Variants in PTPRG observed in about 807,000 individuals in gnomAD.
PTPRG encodes protein tyrosine phosphatase receptor type G.
A neutral mutation model predicts 165.3 loss-of-function variants in PTPRG; 102 were observed. The ratio of observed to expected loss-of-function variants is 0.62; its 90% CI spans 0.53 to 0.73. PTPRG has a LOEUF of 0.73. PTPRG is among the 30% of genes least tolerant of loss of function. PTPRG has a pLI of 0.00. For missense variants in PTPRG, 1,866 were observed against 1,861.4 expected (o/e 1.00, Z -0.05); for synonymous variants, 675 against 669.5 (o/e 1.01, Z -0.13).
At chr3:61,790,274 C>T (rs1264602594) in intron 2 of PTPRG, among the ~76,000 whole-genome samples, 1 of 152,142 alleles carries the variant, frequency 6.6e-6, no homozygotes, top group Non-Finnish European at 1.5e-5. Flanking sequence ...GGTGGTGAAC[C>T]ATTCGAGTTG....
At chr3:62,071,126 AT>A (rs1701196864) in intron 4 of PTPRG, among the ~76,000 whole-genome samples, 1 of 152,084 alleles carries the variant, frequency 6.6e-6, no homozygotes, top group Non-Finnish European at 1.5e-5. Context: ...TTTAATAAAA[AT>A]CCCCAGCAGT....
Position 62,243,786 on chromosome 3 carries a change from GT to G in PTPRG, c.2376-16del, listed in dbSNP as rs1355013799. On this transcript the variant is annotated intron_variant, in intron 14 of 29. Coordinates refer to ENST00000474889, the MANE Select transcript of PTPRG (RefSeq NM_002841.4). ...ATAAAGTATATTCTATTATTGACATGTTTTTCTCTTTTCTACACAGAAAATG... is the reference window on the plus strand; with the variant it reads ...ATAAAGTATATTCTATTATTGACATGTTTTCTCTTTTCTACACAGAAAATG... The G allele has an allele frequency of 6.9e-7, 1 of 1,455,772 alleles. No individual in the cohort carries two copies. The allele number at this position is 1,455,772 out of a possible 1,614,324, so 90.2% of individuals were successfully genotyped here.
chr3:62,015,836 T>C (rs1351029592), intron 4 of PTPRG, among the ~76,000 whole-genome samples: 1 of 152,196 alleles, frequency 6.6e-6, no homozygotes, highest in East Asian at 1.9e-4. Flanking sequence ...GTGGAGGGGA[T>C]ATCATGTTGA....
chr3:61,586,267 A>G (rs1180592402), intron 1 of PTPRG, among the ~76,000 whole-genome samples: 2 of 151,990 alleles, frequency 1.3e-5, no homozygotes, highest in African/African-American at 4.8e-5. Flanking sequence ...AAAAAAAAAA[A>G]GGTGGTTGTC....
At chr3:61,777,662 G>A (rs888621527) in intron 2 of PTPRG, among the ~76,000 whole-genome samples, 3 of 152,126 alleles carry the variant, frequency 2.0e-5, no homozygotes, top group Admixed American at 6.5e-5. Context: ...AGCCAAAACC[G>A]TGGAAATCCG....
At chr3:62,167,786 G>C (rs899636235) in intron 7 of PTPRG, among the ~76,000 whole-genome samples, 185 bp from the exon 8 acceptor site, 1 of 152,192 alleles carries the variant, frequency 6.6e-6, no homozygotes, top group African/African-American at 2.4e-5. Flanking sequence ...AGATGAGCCT[G>C]TTGGCAGTGT....
At chr3:61,651,094 C>A (rs1559540594) in intron 1 of PTPRG, among the ~76,000 whole-genome samples, 2 of 149,660 alleles carry the variant, frequency 1.3e-5, no homozygotes, top group East Asian at 3.9e-4. Flanking sequence ...GAACCCTGTT[C>A]ATCAACCTCA....
intron 2 of PTPRG, among the ~76,000 whole-genome samples, chr3:61,759,705 C>G (rs1276167723): frequency 2.6e-5 from 4 of 151,840 alleles, no homozygotes; most frequent in Non-Finnish European, 5.9e-5. Flanking sequence ...GTGTAGTATT[C>G]ATTGGCATTT....
At chr3:61,674,934 C>A (rs1433744349) in intron 1 of PTPRG, among the ~76,000 whole-genome samples, 8 of 152,120 alleles carry the variant, frequency 5.3e-5, no homozygotes, top group African/African-American at 7.2e-5. Flanking sequence ...ATCCCCAAAT[C>A]CAACACATTC....
chr3:62,017,576 C>T (rs901083805), intron 4 of PTPRG, among the ~76,000 whole-genome samples: 13 of 136,184 alleles, frequency 9.5e-5, no homozygotes, highest in Non-Finnish European at 1.4e-4. Flanking sequence ...CCACCGCGCC[C>T]GGCTAATTTT....
rs893992360 is a variant in PTPRG, at chr3:61,563,089, C to T, written c.85+717C>T. Among the ~76,000 whole-genome samples, 8 of 151,774 alleles carry T rather than the reference C, an allele frequency of 5.3e-5. No individual in the cohort carries two copies. The East Asian group carries it at 7.8e-4, about 15-fold the overall frequency. On this transcript the variant is annotated intron_variant, in intron 1 of 29. Coordinates refer to ENST00000474889, the MANE Select transcript of PTPRG (RefSeq NM_002841.4). ...AGCCCCGGCCCGTGGCCCTTTCCCT[C>T]CGCTGCTCTGCTCGATTGGATTGCC...
At chr3:61,998,483 C>T (rs1300812838) in intron 3 of PTPRG, among the ~76,000 whole-genome samples, 6 of 152,188 alleles carry the variant, frequency 3.9e-5, no homozygotes, top group East Asian at 1.9e-4. Context: ...TCCAATTTTA[C>T]AGAATAGGAA....
chr3:61,962,298 A>T (rs955110064), intron 2 of PTPRG, among the ~76,000 whole-genome samples: 2 of 152,212 alleles, frequency 1.3e-5, no homozygotes, highest in African/African-American at 4.8e-5. Context: ...AAGTATAAGC[A>T]TATCAATTTT....
chr3:61,857,597 G>T (rs141037076), intron 2 of PTPRG, among the ~76,000 whole-genome samples: 64 of 152,216 alleles, frequency 4.2e-4, no homozygotes, highest in African/African-American at 1.4e-3. Flanking sequence ...GTCAGCCTGG[G>T]GACCAATCAC....
At chr3:61,976,485 G>A (rs1467603153) in intron 2 of PTPRG, among the ~76,000 whole-genome samples, 2 of 152,186 alleles carry the variant, frequency 1.3e-5, no homozygotes, top group African/African-American at 2.4e-5. Context: ...CTAAATCACA[G>A]CATCAGCTTA....
intron 1 of PTPRG, among the ~76,000 whole-genome samples, chr3:61,598,266 G>A (rs1240688577): frequency 6.6e-6 from 1 of 152,180 alleles, no homozygotes; most frequent in Non-Finnish European, 1.5e-5. Flanking sequence ...TGATGAATGG[G>A]TCCGCATTTC....
At chr3:61,621,077 G>GTGTGTGTGTGTGTGTGTA (rs1553641517) in intron 1 of PTPRG, among the ~76,000 whole-genome samples, 2 of 144,914 alleles carry the variant, frequency 1.4e-5, no homozygotes, top group South Asian at 2.2e-4. Flanking sequence ...GTGTGTGTGT[G>GTGTGTGTGTGTGTGTGTA]TATATTTATT....
intron 1 of PTPRG, among the ~76,000 whole-genome samples, chr3:61,566,524 T>C (rs1396299511): frequency 2.0e-5 from 3 of 152,240 alleles, no homozygotes; most frequent in African/African-American, 4.8e-5. Flanking sequence ...TTTTCTTTTT[T>C]TGAGATGGAG....
chr3:62,203,923 G>A lies in PTPRG; in HGVS notation c.2128G>A (p.Asp710Asn). The A allele has an allele frequency of 6.3e-7, 1 of 1,592,524 alleles. No homozygotes were observed. Among genetic ancestry groups the A allele is most frequent in the Non-Finnish European group, 8.6e-7 (1 of 1,167,750 alleles). ...GTCCCGCGGGGACCGATTTTCTGAA[G>A]ACAGCAGATTTATCACTGTTAATCC... is the stretch of plus-strand genomic sequence containing the variant. ...PMSRGDRFSE[D>N]SRFITVNPAE... The change falls in exon 12 of 30, where the codon GAC becomes AAC. Residue 710 changes from aspartate to asparagine, a missense_variant. Around this residue, in one of 3 missense-constraint regions of PTPRG, gnomAD observed 1,452 missense variants for 1,463.0 expected, o/e 0.99. Coordinates refer to ENST00000474889, the MANE Select transcript of PTPRG (RefSeq NM_002841.4). The surrounding 1 kb of genome is among the most constrained non-coding windows in gnomAD (Gnocchi z 6.4).
Sources: allele counts gnomAD v4.1 joint callset (sites outside exome capture counted in the v4.1 genomes callset), GRCh38; gene constraint gnomAD v4.1.1; regional missense constraint gnomAD v4.1.1; non-coding constraint Gnocchi (gnomAD v3.1); transcripts MANE v1.5; gene names NCBI Gene and HGNC (gene_info 2026-07-23, HGNC 2026-07-21).